The following AXDND1 variants were observed in gnomAD, a reference collection of about 807,000 sequenced individuals.
The protein encoded by AXDND1 is axonemal dynein light chain domain containing 1.
In AXDND1, 110 loss-of-function variants were observed where a neutral mutation model predicts 137.5. The ratio of observed to expected loss-of-function variants is 0.80; its 90% CI spans 0.69 to 0.94. The LOEUF (loss-of-function observed/expected upper bound fraction) is 0.94, where lower values mean the gene tolerates loss of function less well. AXDND1 is among the 40% of genes least tolerant of loss of function. The probability of loss-of-function intolerance (pLI) is 0.00; values close to 1 mark genes in which losing one functional copy is unlikely to be tolerated. For missense variants in AXDND1, 1,191 were observed against 1,169.8 expected, an observed-to-expected ratio of 1.02 and a Z score of -0.26; for synonymous variants, 414 against 399.7, an observed-to-expected ratio of 1.04 and a Z score of -0.43.
intron 17 of AXDND1, among the ~76,000 whole-genome samples, chr1:179,481,593 T>C (rs1039231421): frequency 2.8e-4 from 43 of 152,190 alleles, no homozygotes; most frequent in African/African-American, 1.0e-3. Flanking sequence ...CAGTTTACAG[T>C]CCCACCAACA....
chr1:179,452,694 CAAAAAAAAAAAAAAAAA>C, intron 16 of AXDND1: 1 of 68,730 alleles, frequency 1.5e-5, no homozygotes, highest in Non-Finnish European at 2.5e-5. Flanking sequence ...GACTCCGTCT[CAAAAAAAAAAAAAAAAA>C]AAAAAAAAAA....
intron 21 of AXDND1, among the ~76,000 whole-genome samples, chr1:179,514,330 A>C (rs1669321307): frequency 6.6e-6 from 1 of 152,168 alleles, no homozygotes; most frequent in African/African-American, 2.4e-5. Flanking sequence ...TTTTGACCAA[A>C]TGATCATTCA....
chr1:179,541,638 T>TATAATATATGC (rs964265016), intron 25 of AXDND1, among the ~76,000 whole-genome samples: 6 of 149,290 alleles, frequency 4.0e-5, no homozygotes, highest in African/African-American at 1.5e-4. Flanking sequence ...TGCATATATT[T>TATAATATATGC]ATAATATATG....
intron 10 of AXDND1, 133 bp downstream of exon 10, chr1:179,394,176 G>A: frequency 1.1e-6 from 1 of 870,084 alleles, no homozygotes. Flanking sequence ...TTTAGCAAGA[G>A]AACAAAAAGA....
chr1:179,533,240 A>G (rs1671192009), intron 23 of AXDND1: 1 of 152,184 alleles, frequency 6.6e-6, no homozygotes, highest in African/African-American at 2.4e-5. Context: ...TTCCTCTCTC[A>G]CCTTCCTCTT....
chr1:179,394,768 G>A (rs546072949), intron 10 of AXDND1, among the ~76,000 whole-genome samples: 2 of 152,206 alleles, frequency 1.3e-5, no homozygotes, highest in South Asian at 4.1e-4. Context: ...TTAGTGGTGA[G>A]AATAAAGAAG....
At chr1:179,499,854 C>T (rs943222447) in intron 20 of AXDND1, among the ~76,000 whole-genome samples, 1 of 152,004 alleles carries the variant, frequency 6.6e-6, no homozygotes, top group Non-Finnish European at 1.5e-5. Flanking sequence ...ATGAAATGGA[C>T]AAATAAATAT....
chr1:179,527,626 T>A (rs1572176438), intron 22 of AXDND1, among the ~76,000 whole-genome samples: 1 of 152,212 alleles, frequency 6.6e-6, no homozygotes, highest in South Asian at 2.1e-4. Flanking sequence ...GTTAATATCC[T>A]ATATAAGCAA....
At chr1:179,503,039 G>A (rs556292020) in intron 20 of AXDND1, among the ~76,000 whole-genome samples, 1 of 151,138 alleles carries the variant, frequency 6.6e-6, no homozygotes, top group South Asian at 2.1e-4. Flanking sequence ...AGGTTGCGGT[G>A]AGGTGAGATC....
At chr1:179,389,564 T>G (rs1649804286) in intron 9 of AXDND1, among the ~76,000 whole-genome samples, 1 of 152,176 alleles carries the variant, frequency 6.6e-6, no homozygotes, top group East Asian at 1.9e-4. Context: ...AGCCCAAGGC[T>G]TAGTCTCTGG....
intron 16 of AXDND1, among the ~76,000 whole-genome samples, chr1:179,457,990 C>CTTTTTTTTTTTTTTTTTTTTTT (rs34295838): frequency 6.9e-6 from 1 of 145,546 alleles, no homozygotes; most frequent in African/African-American, 2.6e-5. Context: ...CTTTCCTTCT[C>CTTTTTTTTTTTTTTTTTTTTTT]TTTTTTTTTT....
At chr1:179,396,643 A>G (rs2125149772) in intron 11 of AXDND1, among the ~76,000 whole-genome samples, 1 of 151,516 alleles carries the variant, frequency 6.6e-6, no homozygotes, top group East Asian at 2.0e-4. Flanking sequence ...GCGACAGAGC[A>G]AGACTCCATC....
chr1:179,459,988 T>C (rs146963513), intron 16 of AXDND1, among the ~76,000 whole-genome samples: 7,519 of 130,646 alleles, frequency 0.058, 233 homozygotes, highest in Non-Finnish European at 0.067. Context: ...TCTTTCTTTC[T>C]TTCCTTCCTT....
At chr1:179,461,179 T>C (rs1662262656) in intron 16 of AXDND1, among the ~76,000 whole-genome samples, 1 of 152,192 alleles carries the variant, frequency 6.6e-6, no homozygotes, top group African/African-American at 2.4e-5. Context: ...GTTTTTATGG[T>C]TTTAGGTCTA....
At chr1:179,553,620 A>G (rs1673632797) in intron 25 of AXDND1, among the ~76,000 whole-genome samples, 1 of 152,240 alleles carries the variant, frequency 6.6e-6, no homozygotes, top group African/African-American at 2.4e-5. Flanking sequence ...GGGGATTCCC[A>G]CTTAACAAGT....
chr1:179,467,199 C>CA (rs71114521), intron 16 of AXDND1, among the ~76,000 whole-genome samples: 35,049 of 151,972 alleles, frequency 0.23, 4,360 homozygotes, highest in East Asian at 0.35. Context: ...TCCTTCTCAG[C>CA]AAGTGTCTGA....
chr1:179,450,432 G>A (rs1660391324), intron 16 of AXDND1: 1 of 152,198 alleles, frequency 6.6e-6, no homozygotes, highest in South Asian at 2.1e-4. Context: ...GAAAGCATGA[G>A]TCTTTGCCGA....
At chr1:179,436,855 A>T (rs951543999) in intron 15 of AXDND1, among the ~76,000 whole-genome samples, 1 of 144,834 alleles carries the variant, frequency 6.9e-6, no homozygotes, top group Non-Finnish European at 1.5e-5. Flanking sequence ...AACTTAGAGT[A>T]AAAAAAAAAA....
chr1:179,521,667 A>G (rs952793051), intron 21 of AXDND1, among the ~76,000 whole-genome samples: 2 of 152,076 alleles, frequency 1.3e-5, no homozygotes, highest in African/African-American at 4.8e-5. Context: ...CTTCTACCTT[A>G]ACCTGTAGAA....
Sources: gnomAD v4.1 joint callset for allele counts (sites outside exome capture counted in the v4.1 genomes callset) on GRCh38, gnomAD v4.1.1 for gene constraint, MANE v1.5 for transcripts, NCBI Gene and HGNC (gene_info 2026-07-23, HGNC 2026-07-21) for gene names.